NSUN6: variants seen among roughly 807,000 people sequenced by gnomAD.
NSUN6 encodes the protein tRNA (cytosine(72)-C(5))-methyltransferase NSUN6.
Under a neutral mutation model 58.0 loss-of-function variants are expected in NSUN6, and 64 were observed. That is an observed-to-expected ratio of 1.10 (90% CI 0.90 to 1.36). The LOEUF (loss-of-function observed/expected upper bound fraction) is 1.36, where lower values mean the gene tolerates loss of function less well. NSUN6 is among the 40% of genes most tolerant of loss of function. NSUN6 has a pLI of 0.00. For synonymous variants in NSUN6, 231 were observed against 193.9 expected (o/e 1.19, Z -1.59); for missense variants, 701 against 550.1 (o/e 1.27, Z -2.74).
chr10:18,631,028 A>G (rs2059011946), intron 3 of NSUN6, among the ~76,000 whole-genome samples: 1 of 152,084 alleles, frequency 6.6e-6, no homozygotes, highest in Admixed American at 6.5e-5. Flanking sequence ...AACCGAATCC[A>G]GCAGCACATC....
chr10:18,552,702 C>A (rs1007074181), intron 8 of NSUN6, among the ~76,000 whole-genome samples: 4 of 151,546 alleles, frequency 2.6e-5, no homozygotes, highest in Admixed American at 1.3e-4. Flanking sequence ...CCATTCCATT[C>A]CATTCTGCGT....
At chr10:18,653,392 G>A, upstream of NSUN6, 2 of 870,282 alleles carry the variant, frequency 2.3e-6, no homozygotes, top group Non-Finnish European at 2.8e-6. Context: ...GTTTGTTTGA[G>A]ATGGAGTCTC....
intron 8 of NSUN6, among the ~76,000 whole-genome samples, chr10:18,576,298 C>T (rs1387784911): frequency 6.6e-6 from 1 of 152,130 alleles, no homozygotes; most frequent in Admixed American, 6.6e-5. Flanking sequence ...CAGATCTCCA[C>T]TTCAGAAAAG....
intron 6 of NSUN6, among the ~76,000 whole-genome samples, chr10:18,603,797 C>T (rs2057943674): frequency 6.6e-6 from 1 of 151,972 alleles, no homozygotes; most frequent in Admixed American, 6.6e-5. Context: ...TTTATTATAA[C>T]AACAGTAAAA....
chr10:18,576,919 G>C (rs2056678430), intron 8 of NSUN6, among the ~76,000 whole-genome samples: 1 of 152,142 alleles, frequency 6.6e-6, no homozygotes, highest in Admixed American at 6.6e-5. Context: ...GTAAGCAAGA[G>C]AAGCCCCTTA....
intron 8 of NSUN6, among the ~76,000 whole-genome samples, chr10:18,573,451 T>C (rs57579336): frequency 0.35 from 52,532 of 151,346 alleles, 9,674 homozygotes; most frequent in East Asian, 0.73. Context: ...TCCATTCCAT[T>C]CCATATTCCA....
At chr10:18,654,975 A>T, upstream of NSUN6, 1 of 622,926 alleles carries the variant, frequency 1.6e-6, no homozygotes, top group South Asian at 7.1e-5. Context: ...CAAAAAATCA[A>T]TCTTGGATTG....
intron 6 of NSUN6, among the ~76,000 whole-genome samples, chr10:18,604,024 A>C (rs2057952636): frequency 6.6e-6 from 1 of 152,072 alleles, no homozygotes; most frequent in Non-Finnish European, 1.5e-5. Context: ...TCTGCTAAAA[A>C]TACAAAAATT....
chr10:18,566,135 A>C (rs1180270185), intron 8 of NSUN6, among the ~76,000 whole-genome samples: 25 of 131,950 alleles, frequency 1.9e-4, no homozygotes, highest in Non-Finnish European at 3.3e-4. Context: ...ATTCCATTCC[A>C]CATTCCATTC....
At chr10:18,639,744 ATAAT>A (rs1398984652) in intron 3 of NSUN6, among the ~76,000 whole-genome samples, 3 of 152,236 alleles carry the variant, frequency 2.0e-5, no homozygotes, top group Non-Finnish European at 4.4e-5. Context: ...AGTATTGAAA[ATAAT>A]TAAAGTTAAA....
chr10:18,636,684 G>T (rs891069390), intron 3 of NSUN6, among the ~76,000 whole-genome samples: 1 of 152,020 alleles, frequency 6.6e-6, no homozygotes, highest in African/African-American at 2.4e-5. Context: ...ACAAGGTCAG[G>T]AGTTCGAGAC....
chr10:18,581,995 C>G (rs966839931), intron 8 of NSUN6, among the ~76,000 whole-genome samples: 1 of 152,014 alleles, frequency 6.6e-6, no homozygotes, highest in African/African-American at 2.4e-5. Context: ...GGATCTGGAC[C>G]CCTTTCCAGT....
Position 18,586,153 on chromosome 10 carries a change from C to T in NSUN6, c.778-60G>A, listed in dbSNP as rs2057129472. 3.4e-5 allele frequency: 45 copies of T among 1,334,020 alleles called. No individual in the cohort carries two copies. The South Asian group carries it at 5.7e-4, about 17-fold the overall frequency. 82.6% of individuals were successfully genotyped at this position (1,334,020 alleles called of 1,614,324 possible). A position where few individuals can be genotyped will look rare whatever the true frequency, so the allele number is the denominator to read the frequency against. On this transcript the variant is annotated intron_variant, in intron 7 of 10. Transcript: ENST00000377304. ...AAAAAAGAAAATTATAAATCCAAAGCAGTCATAAAAATAATGAGAAAAACA... is the reference window on the plus strand; with the variant it reads ...AAAAAAGAAAATTATAAATCCAAAGTAGTCATAAAAATAATGAGAAAAACA...
At chr10:18,552,765 C>T (rs1386535463) in intron 8 of NSUN6, among the ~76,000 whole-genome samples, 1 of 147,084 alleles carries the variant, frequency 6.8e-6, no homozygotes, top group Non-Finnish European at 1.5e-5. Flanking sequence ...ATTCTATTCT[C>T]CATTCCATTT....
chr10:18,617,653 G>A (rs1181802714), intron 3 of NSUN6, among the ~76,000 whole-genome samples: 3 of 152,062 alleles, frequency 2.0e-5, no homozygotes, highest in South Asian at 2.1e-4. Flanking sequence ...AATCTTGAAT[G>A]AGACGTCATT....
intron 8 of NSUN6, among the ~76,000 whole-genome samples, chr10:18,563,507 T>C (rs1266286565): frequency 6.6e-6 from 1 of 150,976 alleles, no homozygotes; most frequent in Middle Eastern, 3.2e-3. Context: ...GAGAGTGGAA[T>C]GGAATATGGG....
At chr10:18,656,020 A>G (rs1289049713), upstream of NSUN6, among the ~76,000 whole-genome samples, 2 of 152,254 alleles carry the variant, frequency 1.3e-5, no homozygotes, top group Non-Finnish European at 2.9e-5. Context: ...CAACTTTGTC[A>G]GAAATTTATC....
intron 10 of NSUN6, 142 bp from the exon 11 acceptor site, chr10:18,546,287 G>C: frequency 2.9e-6 from 2 of 693,416 alleles, no homozygotes; most frequent in Non-Finnish European, 2.6e-6. Flanking sequence ...CTTTCATTTT[G>C]GTGGAACATA....
intron 6 of NSUN6, among the ~76,000 whole-genome samples, chr10:18,596,760 T>C (rs10741108): frequency 0.99 from 150,937 of 152,288 alleles, 74,801 homozygotes; most frequent in Middle Eastern, 1. Flanking sequence ...TCAGCGGTCA[T>C]TACTCAGCAT....
Sources: gnomAD v4.1 joint callset for allele counts (sites outside exome capture counted in the v4.1 genomes callset) on GRCh38, gnomAD v4.1.1 for gene constraint, MANE v1.5 for transcripts, NCBI Gene and HGNC (gene_info 2026-07-23, HGNC 2026-07-21) for gene names.